Variants in CUX1 observed in about 807,000 individuals in gnomAD.
CUX1 encodes protein CASP.
In CUX1, 31 loss-of-function variants were observed where a neutral mutation model predicts 158.8. The observed-to-expected ratio is 0.20, with a 90% CI of 0.15 to 0.26. The LOEUF is 0.26. Among genes scored for constraint, CUX1 ranks in the 10% least tolerant of loss-of-function variants. CUX1 has a pLI of 1.00. For missense variants in CUX1, 1,589 were observed against 2,014.6 expected (o/e 0.79, Z 4.04); for synonymous variants, 879 against 862.1 (o/e 1.02, Z -0.34).
intron 9 of CUX1, among the ~76,000 whole-genome samples, chr7:102,168,908 C>CTTTT (rs1563341626): frequency 8.2e-5 from 10 of 121,976 alleles, no homozygotes; most frequent in African/African-American, 3.1e-4. Flanking sequence ...CTTTTCTTTT[C>CTTTT]TTTTATTTTC....
At chr7:102,082,599 C>A (rs1554479188) in intron 4 of CUX1, among the ~76,000 whole-genome samples, 1 of 147,378 alleles carries the variant, frequency 6.8e-6, no homozygotes, top group East Asian at 1.9e-4. Flanking sequence ...CCTTCACAGT[C>A]AAGATGTAGA....
chr7:102,263,314 C>CGT (rs1790552406), intron 14 of CUX1, among the ~76,000 whole-genome samples: 1 of 89,516 alleles, frequency 1.1e-5, no homozygotes, highest in Admixed American at 1.6e-4. Context: ...CACACCTAGC[C>CGT]TTTTTTTTTT....
At position 102,280,064 on chromosome 7, in the gene CUX1, C is replaced by T. The variant is rs141515782; in HGVS notation, c.1708C>T (p.Arg570Trp). 64 of 1,610,056 alleles carry T rather than the reference C, an allele frequency of 4.0e-5. No individual in the cohort carries two copies. The highest frequency in any genetic ancestry group is 3.3e-4 in the Middle Eastern group (2 of 6,078). The change falls in exon 19 of 23, where the codon CGG becomes TGG. Residue 570 changes from arginine (R) to tryptophan (W), a missense_variant. Arg to Trp is a moderately radical substitution (Grantham distance 101). Transcript: ENST00000292538. ...CAGCGGCAGTGATGACACGGAGCTG[C>T]GGTACTCGTCCCAGTACGAGGAGCG... is the stretch of plus-strand genomic sequence containing the variant.
At chr7:102,212,587 C>T (rs1175248287) in intron 20 of CUX1, among the ~76,000 whole-genome samples, 1 of 152,136 alleles carries the variant, frequency 6.6e-6, no homozygotes, top group Admixed American at 6.6e-5. Flanking sequence ...AAAATGCAAG[C>T]ATTCAAACTT....
chr7:102,221,107 G>A (rs1797753015), intron 20 of CUX1, among the ~76,000 whole-genome samples: 1 of 151,984 alleles, frequency 6.6e-6, no homozygotes, highest in Admixed American at 6.6e-5. Context: ...TTCCATACGT[G>A]TCTGTCTGTA....
chr7:101,856,930 C>A (rs962882380), intron 1 of CUX1, among the ~76,000 whole-genome samples: 2 of 152,240 alleles, frequency 1.3e-5, no homozygotes, highest in Non-Finnish European at 2.9e-5. Context: ...CCTCCCTCCG[C>A]GGTCATGCAG....
At chr7:101,952,986 C>T (rs760641327) in intron 2 of CUX1, among the ~76,000 whole-genome samples, 7 of 152,272 alleles carry the variant, frequency 4.6e-5, no homozygotes, top group Admixed American at 1.3e-4. Flanking sequence ...GTGTGTGTTC[C>T]GTAAATGAAG....
At chr7:101,906,745 A>C (rs1049063054) in intron 1 of CUX1, among the ~76,000 whole-genome samples, 1 of 151,822 alleles carries the variant, frequency 6.6e-6, no homozygotes, top group African/African-American at 2.4e-5. Context: ...GCTTTCAACT[A>C]TGCTTTTTGT....
At chr7:102,173,331 T>C (rs1554510945) in intron 10 of CUX1, among the ~76,000 whole-genome samples, 1 of 152,118 alleles carries the variant, frequency 6.6e-6, no homozygotes, top group East Asian at 1.9e-4. Flanking sequence ...CATTCCAGCC[T>C]GGGCGACAGC....
intron 2 of CUX1, among the ~76,000 whole-genome samples, chr7:101,974,161 G>C (rs938757824): frequency 6.6e-6 from 1 of 151,446 alleles, no homozygotes; most frequent in Non-Finnish European, 1.5e-5. Flanking sequence ...CACCTCCCTG[G>C]GCTCAAGTAA....
chr7:102,050,376 G>A (rs1018979072), intron 3 of CUX1, among the ~76,000 whole-genome samples: 6 of 152,112 alleles, frequency 3.9e-5, no homozygotes, highest in Non-Finnish European at 5.9e-5. Flanking sequence ...TTCAATAGCC[G>A]TAGTCCCCAG....
intron 3 of CUX1, among the ~76,000 whole-genome samples, chr7:102,045,212 G>T (rs1822596800): frequency 6.6e-6 from 1 of 152,242 alleles, no homozygotes. Context: ...GCTGCAGCTG[G>T]TTTGGTTCTG....
At chr7:102,067,565 GA>G (rs1040742675) in intron 3 of CUX1, among the ~76,000 whole-genome samples, 8 of 148,232 alleles carry the variant, frequency 5.4e-5, no homozygotes, top group African/African-American at 9.9e-5. Flanking sequence ...ATATAATTAG[GA>G]AAAAAAAATA....
chr7:102,130,222 A>G (rs1554496712), intron 8 of CUX1, among the ~76,000 whole-genome samples: 2 of 152,092 alleles, frequency 1.3e-5, no homozygotes, highest in Non-Finnish European at 1.5e-5. Flanking sequence ...GCTTTATGGC[A>G]TCACTCCCGC....
intron 2 of CUX1, among the ~76,000 whole-genome samples, chr7:101,969,846 C>G (rs1363867902): frequency 6.6e-6 from 1 of 152,000 alleles, no homozygotes; most frequent in Non-Finnish European, 1.5e-5. Flanking sequence ...AAAAGAGGCG[C>G]CTGATCTGCA....
chr7:102,273,432 T>C (rs1791373369), exon 15 of CUX1: 2 of 1,613,276 alleles, frequency 1.2e-6, no homozygotes, highest in East Asian at 4.5e-5. Context: ...CAGAGAGAGC[T>C]GATCGCCCGC....
intron 9 of CUX1, among the ~76,000 whole-genome samples, chr7:102,164,614 C>T (rs1790809585): frequency 6.6e-6 from 1 of 152,184 alleles, no homozygotes; most frequent in Non-Finnish European, 1.5e-5. Context: ...GAGGCCTTGG[C>T]CACTGGTGCA....
At chr7:102,119,480 CCATTGATGAATA>C (rs1554492776) in intron 8 of CUX1, among the ~76,000 whole-genome samples, 1 of 152,134 alleles carries the variant, frequency 6.6e-6, no homozygotes, top group African/African-American at 2.4e-5. Context: ...GAACAAGGGC[CCATTGATGAATA>C]CAGCTGGTCT....
intron 2 of CUX1, among the ~76,000 whole-genome samples, chr7:102,019,597 A>G (rs1274574647): frequency 6.6e-6 from 1 of 152,000 alleles, no homozygotes; most frequent in African/African-American, 2.4e-5. Context: ...GCTTCAGGGT[A>G]CCCCTCGCTG....
Sources: allele counts gnomAD v4.1 joint callset (sites outside exome capture counted in the v4.1 genomes callset), GRCh38; gene constraint gnomAD v4.1.1; transcripts MANE v1.5; gene names NCBI Gene and HGNC (gene_info 2026-07-23, HGNC 2026-07-21).